Variants in RAP1A observed in about 807,000 individuals in gnomAD.
RAP1A encodes the protein ras-related protein Rap-1A.
RAP1A carries 6 observed loss-of-function variants against 26.4 expected under a neutral mutation model. That is an observed-to-expected ratio of 0.23 (90% CI 0.12 to 0.45). The LOEUF (loss-of-function observed/expected upper bound fraction) is 0.45, where lower values mean the gene tolerates loss of function less well. Ranked by LOEUF, RAP1A falls within the 20% of genes least tolerant of loss-of-function variation. The pLI is 0.99. For synonymous variants in RAP1A, 73 were observed against 79.4 expected (o/e 0.92, Z 0.43); for missense variants, 121 against 217.2 (o/e 0.56, Z 2.78).
intron 1 of RAP1A, among the ~76,000 whole-genome samples, chr1:111,590,045 C>T (rs1471655675): frequency 1.3e-5 from 2 of 152,224 alleles, no homozygotes; most frequent in African/African-American, 4.8e-5. Flanking sequence ...TTTGGGATTA[C>T]AGGCGTGAGC....
upstream of RAP1A, among the ~76,000 whole-genome samples, chr1:111,615,092 T>G (rs538458004): frequency 1.3e-5 from 2 of 152,000 alleles, no homozygotes; most frequent in African/African-American, 4.8e-5. Flanking sequence ...GACTCCTTTG[T>G]AAAAAGTTAG....
At chr1:111,666,798 A>C (rs558092843) in intron 1 of RAP1A, among the ~76,000 whole-genome samples, 6 of 152,250 alleles carry the variant, frequency 3.9e-5, no homozygotes, top group African/African-American at 7.2e-5. Flanking sequence ...AAGAGCAGGC[A>C]TTATTAACTA....
At chr1:111,588,653 C>T (rs1469974377) in intron 1 of RAP1A, among the ~76,000 whole-genome samples, 1 of 152,112 alleles carries the variant, frequency 6.6e-6, no homozygotes, top group Non-Finnish European at 1.5e-5. Context: ...TATCTCTGGC[C>T]CAGCTTACTA....
intron 1 of RAP1A, among the ~76,000 whole-genome samples, chr1:111,666,505 A>G (rs938127429): frequency 1.3e-5 from 2 of 152,202 alleles, no homozygotes; most frequent in African/African-American, 4.8e-5. Context: ...ATTGAATGTA[A>G]GAACTCAGAT....
rs142461971 is a variant in RAP1A at position 111,573,970 on chromosome 1, A to T, written c.-28+31461A>T. ...AAGCTCTTTAGTTTAATTAAATACC[A>T]TTTATCAATTTTTGCTTTTGTTGCA... On this transcript the variant is annotated intron_variant, in intron 1 of 7. Coordinates refer to the RAP1A transcript ENST00000356415. Among the ~76,000 whole-genome samples, 711 of 152,206 alleles carry T rather than the reference A, an allele frequency of 4.7e-3. 4 individuals are homozygous for T. The highest frequency in any genetic ancestry group is 0.016 in the African/African-American group (667 of 41,520).
At chr1:111,671,693 T>G (rs1260272272) in intron 1 of RAP1A, among the ~76,000 whole-genome samples, 1 of 152,138 alleles carries the variant, frequency 6.6e-6, no homozygotes, top group Non-Finnish European at 1.5e-5. Context: ...AGGCTAGTCT[T>G]GAACTCCTAA....
chr1:111,635,271 T>A (rs1260126954), intron 1 of RAP1A, among the ~76,000 whole-genome samples: 1 of 152,242 alleles, frequency 6.6e-6, no homozygotes, highest in Non-Finnish European at 1.5e-5. Flanking sequence ...CATATGCTGT[T>A]TTATGGATAA....
intron 1 of RAP1A, among the ~76,000 whole-genome samples, chr1:111,688,083 C>A (rs1661545303): frequency 3.5e-5 from 4 of 113,090 alleles, no homozygotes; most frequent in South Asian, 3.1e-4. Flanking sequence ...TGCTGGTGAA[C>A]TTTTTGCCTC....
intron 3 of RAP1A, among the ~76,000 whole-genome samples, chr1:111,696,148 G>T (rs1310182290): frequency 6.6e-6 from 1 of 152,134 alleles, no homozygotes; most frequent in Admixed American, 6.6e-5. Context: ...AAAATATTCT[G>T]TAGAAGACCA....
At chr1:111,573,518 A>G (rs1658089523) in intron 1 of RAP1A, among the ~76,000 whole-genome samples, 1 of 152,118 alleles carries the variant, frequency 6.6e-6, no homozygotes, top group South Asian at 2.1e-4. Flanking sequence ...TAGTTTTAGT[A>G]GAGACAGGGT....
intron 1 of RAP1A, among the ~76,000 whole-genome samples, chr1:111,673,066 G>A (rs991306213): frequency 4.6e-5 from 7 of 151,838 alleles, no homozygotes; most frequent in East Asian, 1.9e-4. Flanking sequence ...TCTTTTGTTC[G>A]GCACTCTCTG....
chr1:111,688,621 A>G (rs958721830), intron 1 of RAP1A, among the ~76,000 whole-genome samples: 7 of 151,082 alleles, frequency 4.6e-5, no homozygotes, highest in African/African-American at 1.5e-4. Flanking sequence ...TGCCTGGCCA[A>G]AGTCTGTATA....
intron 1 of RAP1A, among the ~76,000 whole-genome samples, chr1:111,611,899 G>A (rs1406696179): frequency 2.6e-5 from 4 of 152,016 alleles, no homozygotes; most frequent in African/African-American, 9.7e-5. Flanking sequence ...TTCAACTGGG[G>A]ATCCTCTATT....
chr1:111,651,833 C>T (rs57552036), intron 1 of RAP1A, among the ~76,000 whole-genome samples: 8,012 of 151,924 alleles, frequency 0.053, 458 homozygotes, highest in African/African-American at 0.14. Context: ...AGGATGGTCT[C>T]GATCTCTTGA....
At chr1:111,553,080 T>G (rs1476950778) in intron 1 of RAP1A, among the ~76,000 whole-genome samples, 2 of 152,242 alleles carry the variant, frequency 1.3e-5, no homozygotes, top group African/African-American at 4.8e-5. Context: ...TCAGATGACT[T>G]CTGCTGGGAA....
chr1:111,683,452 A>T (rs1661368926), intron 1 of RAP1A, among the ~76,000 whole-genome samples: 1 of 152,220 alleles, frequency 6.6e-6, no homozygotes. Context: ...GAAGAATCAA[A>T]TAGATGCAAT....
chr1:111,552,818 A>C (rs1657323108), intron 1 of RAP1A, among the ~76,000 whole-genome samples: 2 of 152,236 alleles, frequency 1.3e-5, no homozygotes, highest in Admixed American at 1.3e-4. Context: ...TGGGATAATA[A>C]AAGTATTGCT....
intron 1 of RAP1A, among the ~76,000 whole-genome samples, chr1:111,607,549 T>C (rs1416241262): frequency 6.6e-6 from 1 of 151,410 alleles, no homozygotes; most frequent in Non-Finnish European, 1.5e-5. Flanking sequence ...ACGGGGCGGC[T>C]GGCCGGGCAG....
At chr1:111,683,716 G>C (rs545452144) in intron 1 of RAP1A, among the ~76,000 whole-genome samples, 1 of 152,000 alleles carries the variant, frequency 6.6e-6, no homozygotes, top group Non-Finnish European at 1.5e-5. Flanking sequence ...ATTCACAGCC[G>C]AATTCTACCA....
Sources: gnomAD v4.1 joint callset for allele counts (sites outside exome capture counted in the v4.1 genomes callset) on GRCh38, gnomAD v4.1.1 for gene constraint, MANE v1.5 for transcripts, NCBI Gene and HGNC (gene_info 2026-07-23, HGNC 2026-07-21) for gene names.